Variants in MYO3B observed in about 807,000 individuals in gnomAD.
The protein encoded by MYO3B is myosin-IIIb.
Under a neutral mutation model 174.6 loss-of-function variants are expected in MYO3B, and 156 were observed. The ratio of observed to expected loss-of-function variants is 0.89; its 90% CI spans 0.78 to 1.02. The LOEUF (loss-of-function observed/expected upper bound fraction) is 1.02, where lower values mean the gene tolerates loss of function less well. Ranked by LOEUF, MYO3B falls within the 50% of genes least tolerant of loss-of-function variation. The pLI, the probability that MYO3B is intolerant of heterozygous loss-of-function variation, is 0.00. For missense variants in MYO3B, 1,632 were observed against 1,639.4 expected (o/e 1.00, Z 0.08); for synonymous variants, 563 against 569.1 (o/e 0.99, Z 0.15).
intron 7 of MYO3B, among the ~76,000 whole-genome samples, chr2:170,265,569 C>A (rs574646037): frequency 6.6e-6 from 1 of 152,246 alleles, no homozygotes; most frequent in South Asian, 2.1e-4. Flanking sequence ...GGCCAAGACA[C>A]AAAGTTGTTG....
chr2:170,305,753 T>G (rs1054987377), intron 7 of MYO3B, among the ~76,000 whole-genome samples: 11 of 152,014 alleles, frequency 7.2e-5, no homozygotes, highest in Non-Finnish European at 1.3e-4. Flanking sequence ...AATAAATAAA[T>G]TTTTATCTAT....
chr2:170,242,069 G>A (rs1352946128), intron 7 of MYO3B, among the ~76,000 whole-genome samples: 2 of 152,174 alleles, frequency 1.3e-5, no homozygotes, highest in Non-Finnish European at 1.5e-5. Context: ...TGAGTGAGGG[G>A]TGCTGAGTGT....
chr2:170,514,177 C>A (rs1297180998), intron 28 of MYO3B, among the ~76,000 whole-genome samples: 2 of 152,154 alleles, frequency 1.3e-5, no homozygotes, highest in Non-Finnish European at 2.9e-5. Flanking sequence ...AACCTGCCTT[C>A]TCCAGATATC....
intron 20 of MYO3B, 71 bp downstream of exon 20, chr2:170,404,471 C>A: frequency 7.0e-7 from 1 of 1,437,748 alleles, no homozygotes; most frequent in Non-Finnish European, 9.4e-7. Flanking sequence ...ATTGAGTGTA[C>A]TTTAATGAAT....
intron 22 of MYO3B, among the ~76,000 whole-genome samples, chr2:170,409,839 A>G (rs1451969999): frequency 3.3e-4 from 50 of 152,242 alleles, no homozygotes; most frequent in Admixed American, 3.3e-3. Context: ...TCAAACCTCG[A>G]TTCTAACATG....
intron 29 of MYO3B, among the ~76,000 whole-genome samples, chr2:170,516,367 C>T (rs963772712): frequency 4.6e-5 from 7 of 151,826 alleles, no homozygotes; most frequent in African/African-American, 1.7e-4. Flanking sequence ...TAGAGATGGG[C>T]GCGGTGGCTC....
rs553199427 is a variant in MYO3B at position 170,602,015 on chromosome 2, C to T, written c.3734-49613C>T. Reference sequence around the variant, plus strand: ...GGGATATAGGTTTTCATTTCTCTTTCATAACGGTCTTTGTCCACCTTTGCC... The same window carrying T: ...GGGATATAGGTTTTCATTTCTCTTTTATAACGGTCTTTGTCCACCTTTGCC... On this transcript the variant is annotated intron_variant, in intron 32 of 34. Coordinates refer to ENST00000408978, the MANE Select transcript of MYO3B (RefSeq NM_138995.5). The T allele has an allele frequency of 2.5e-5, 23 of 913,838 alleles. No homozygotes were observed. In the South Asian group the frequency reaches 3.0e-4, roughly 12 times the overall value. 56.6% of individuals were successfully genotyped at this position (913,838 alleles called of 1,614,324 possible). A position where few individuals can be genotyped will look rare whatever the true frequency, so the allele number is the denominator to read the frequency against.
intron 5 of MYO3B, among the ~76,000 whole-genome samples, chr2:170,215,711 G>T (rs1407131200): frequency 1.3e-5 from 2 of 152,146 alleles, no homozygotes; most frequent in Non-Finnish European, 2.9e-5. Context: ...CACAAGCAAA[G>T]AAAAATAGCA....
intron 32 of MYO3B, among the ~76,000 whole-genome samples, chr2:170,645,258 G>A (rs959106973): frequency 3.9e-5 from 6 of 152,082 alleles, no homozygotes; most frequent in Non-Finnish European, 8.8e-5. Context: ...ATTGCTTGAG[G>A]TCAGGAGTTC....
At chr2:170,478,189 T>C (rs1299644150) in intron 25 of MYO3B, among the ~76,000 whole-genome samples, 2 of 152,048 alleles carry the variant, frequency 1.3e-5, no homozygotes, top group African/African-American at 4.8e-5. Context: ...GCTTAGAAAG[T>C]GGAGAACAGG....
Position 170,489,679 on chromosome 2 carries a change from G to GTGTGTGTC in MYO3B, c.3015-8911_3015-8910insTGTGTCTG, listed in dbSNP as rs1389067011. 1.9e-4 allele frequency among the ~76,000 whole-genome samples: 27 copies of GTGTGTGTC among 141,954 alleles called. No individual in the cohort carries two copies. The South Asian group carries it at 4.1e-3, about 21-fold the overall frequency. The allele number at this position is 141,954 out of a possible 152,430, so 93.1% of individuals were successfully genotyped here. A position where few individuals can be genotyped will look rare whatever the true frequency, so the allele number is the denominator to read the frequency against. ...TGTGTGTGTGTGTGTCTGGGTAAGT[G>GTGTGTGTC]TGGGTAAGTGTGGGTAAGTGTGTGT... On this transcript the variant is annotated intron_variant, in intron 25 of 34. Coordinates refer to ENST00000408978, the MANE Select transcript of MYO3B (RefSeq NM_138995.5).
At chr2:170,250,466 G>A (rs2105328986) in intron 7 of MYO3B, among the ~76,000 whole-genome samples, 1 of 152,316 alleles carries the variant, frequency 6.6e-6, no homozygotes, top group East Asian at 1.9e-4. Context: ...CAGGGGTGTG[G>A]CTTTTCTGTC....
chr2:170,336,087 G>T (rs1429992936), intron 8 of MYO3B, among the ~76,000 whole-genome samples: 1 of 152,086 alleles, frequency 6.6e-6, no homozygotes, highest in Non-Finnish European at 1.5e-5. Context: ...CAGTGCTGGG[G>T]TCATGGGCTT....
At chr2:170,482,859 G>A (rs1685785145) in intron 25 of MYO3B, among the ~76,000 whole-genome samples, 1 of 152,226 alleles carries the variant, frequency 6.6e-6, no homozygotes, top group Non-Finnish European at 1.5e-5. Context: ...GAGAACTTCT[G>A]TGACCACCTC....
intron 8 of MYO3B, among the ~76,000 whole-genome samples, chr2:170,358,679 A>T (rs947890808): frequency 2.0e-5 from 3 of 152,196 alleles, no homozygotes; most frequent in Admixed American, 1.3e-4. Flanking sequence ...TGCATTTAAA[A>T]TTTTTACTTA....
Position 170,498,689 on chromosome 2 carries a change from C to G in MYO3B, c.3112C>G (p.Leu1038Val). 1 of 1,602,206 alleles carries G rather than the reference C, an allele frequency of 6.2e-7. No homozygotes were observed. The highest frequency in any genetic ancestry group is 8.6e-7 in the Non-Finnish European group (1 of 1,169,472). The part of the protein sequence containing the change: ...LEKSRLDHWV[L>V]GKTKVFLKYY... ...AAAGTCCAGATTAGATCACTGGGTA[C>G]TGGGAAAAACAAAGGTAGTTCGTTC... The change falls in exon 26 of 35, where the codon CTG (leucine) becomes GTG (valine). Residue 1038 changes from leucine (L) to valine (V), a missense_variant. By Grantham distance (32) the Leu-to-Val change is conservative. Coordinates refer to ENST00000408978, the MANE Select transcript of MYO3B (RefSeq NM_138995.5).
chr2:170,479,874 T>C (rs1362566109), intron 25 of MYO3B, among the ~76,000 whole-genome samples: 3 of 148,632 alleles, frequency 2.0e-5, no homozygotes, highest in African/African-American at 7.3e-5. Context: ...TGTGTGTATA[T>C]ATATGCACAC....
intron 7 of MYO3B, among the ~76,000 whole-genome samples, chr2:170,256,513 A>G (rs6756607): frequency 0.59 from 89,051 of 151,982 alleles, 26,655 homozygotes; most frequent in East Asian, 0.71. Flanking sequence ...AATTCTAACC[A>G]AGAATTTCAT....
chr2:170,570,893 C>T (rs184441908), intron 32 of MYO3B, among the ~76,000 whole-genome samples: 4 of 152,110 alleles, frequency 2.6e-5, no homozygotes, highest in African/African-American at 4.8e-5. Context: ...TCTCATTGCT[C>T]TCTGTGTGGT....
Sources: gnomAD v4.1 joint callset for allele counts (sites outside exome capture counted in the v4.1 genomes callset) on GRCh38, gnomAD v4.1.1 for gene constraint, MANE v1.5 for transcripts, NCBI Gene and HGNC (gene_info 2026-07-23, HGNC 2026-07-21) for gene names.